Variants in HOGA1 observed in about 807,000 individuals in gnomAD.
HOGA1 encodes 4-hydroxy-2-oxoglutarate aldolase 1.
In HOGA1, 30 loss-of-function variants were observed where a neutral mutation model predicts 34.3. The ratio of observed to expected loss-of-function variants is 0.87; its 90% CI spans 0.65 to 1.19. The LOEUF is 1.19. Among genes scored for constraint, HOGA1 ranks in the 50% most tolerant of loss-of-function variants. HOGA1 has a pLI of 0.00. For synonymous variants in HOGA1, 161 were observed against 174.0 expected, an observed-to-expected ratio of 0.93 and a Z score of 0.59; for missense variants, 417 against 436.5, an observed-to-expected ratio of 0.96 and a Z score of 0.40.
chr10:97,590,410 C>T (rs767649994), intron 1 of HOGA1: 51 of 1,613,968 alleles, frequency 3.2e-5, no homozygotes, highest in East Asian at 6.7e-5. Context: ...TGAGGGCCCT[C>T]GAGGAGGTAG....
chr10:97,584,475 T>A lies in HOGA1; in HGVS notation c.-229T>A. 1 of 526,356 alleles carries A rather than the reference T, an allele frequency of 1.9e-6. No homozygotes were observed. The highest frequency in any genetic ancestry group is 3.3e-6 in the Non-Finnish European group (1 of 298,560). The allele number at this position is 526,356 out of a possible 1,614,324, so 32.6% of individuals were successfully genotyped here. A position where few individuals can be genotyped will look rare whatever the true frequency, so the allele number is the denominator to read the frequency against. ...TATATCTGGCCAGAGGGACACTGGG[T>A]TGTGGCATCTCTCTAGCTGCTACCC... On this transcript the variant is annotated 5_prime_UTR_variant, in exon 1 of 7. It adds an upstream start codon to the 5' untranslated region. Transcript: ENST00000370646.
intron 1 of HOGA1, among the ~76,000 whole-genome samples, chr10:97,592,777 C>T (rs1388563188): frequency 6.6e-6 from 1 of 151,390 alleles, no homozygotes; most frequent in Non-Finnish European, 1.5e-5. Flanking sequence ...GTCTGTAATC[C>T]CTGCACTTTG....
intron 6 of HOGA1, among the ~76,000 whole-genome samples, chr10:97,606,128 C>CAAAAAAAAAAAAA (rs60230634): frequency 4.2e-5 from 4 of 95,080 alleles, no homozygotes; most frequent in Admixed American, 1.4e-4. Context: ...ACTAAAAATA[C>CAAAAAAAAAAAAA]AAAAAAAAAA....
Position 97,590,518 on chromosome 10 carries a change from C to A in HOGA1, c.211+5604C>A, listed in dbSNP as rs767705076. ...TCTATGGCCACAGTCACCACAGTCA[C>A]CATGGCCACCCAAGCCACCAGAGCC... On this transcript the variant is annotated intron_variant, in intron 1 of 6. Coordinates refer to ENST00000370646, the MANE Select transcript of HOGA1 (RefSeq NM_138413.4). 1.9e-6 allele frequency: 3 copies of A among 1,612,600 alleles called. No homozygotes were observed. The highest frequency in any genetic ancestry group is 1.3e-5 in the African/African-American group (1 of 75,010).
At chr10:97,595,650 G>A (rs145915438) in intron 1 of HOGA1, among the ~76,000 whole-genome samples, 5,180 of 152,248 alleles carry the variant, frequency 0.034, 147 homozygotes, top group Middle Eastern at 0.092. Flanking sequence ...AGCCGAGGTC[G>A]CACCACTGCA....
intron 1 of HOGA1, among the ~76,000 whole-genome samples, chr10:97,592,094 G>T (rs1242003477): frequency 6.6e-6 from 1 of 151,880 alleles, no homozygotes; most frequent in Non-Finnish European, 1.5e-5. Flanking sequence ...TGCAGCCTCA[G>T]ACTCAAACTG....
In HOGA1 at chr10:97,599,810, G is replaced by A. The variant is rs376747234; in HGVS notation, c.599G>A (p.Gly200Asp). ...PNIVGMKDSGGDVTRIGLIVH... is the reference protein window; with the variant it reads ...PNIVGMKDSGDDVTRIGLIVH... ...ATTGTGGGCATGAAGGACAGCGGTG[G>A]TGATGTGAGTGGCAGCAGCTCCGGG... is the stretch of plus-strand genomic sequence containing the variant. Residue 200 changes from glycine to aspartate, a missense_variant, in exon 4 of 7, where the codon GGT becomes GAT. Transcript: ENST00000370646. The A allele has an allele frequency of 1.4e-5, 22 of 1,614,098 alleles. No homozygotes were observed. The highest frequency in any genetic ancestry group is 2.7e-5 in the African/African-American group (2 of 74,938).
intron 6 of HOGA1, among the ~76,000 whole-genome samples, chr10:97,610,496 T>C (rs1397319631): frequency 1.3e-5 from 2 of 151,150 alleles, no homozygotes; most frequent in Non-Finnish European, 2.9e-5. Context: ...TAAAAATAAA[T>C]AAATTATTAC....
Position 97,603,279 on chromosome 10 carries a change from A to C in HOGA1, c.834+1289A>C, listed in dbSNP as rs542221372. Among the ~76,000 whole-genome samples the C allele has an allele frequency of 1.5e-4, 22 of 150,714 alleles. No individual in the cohort carries two copies. Among genetic ancestry groups the C allele is most frequent in the Admixed American group, 9.3e-4 (14 of 15,128 alleles). On this transcript the variant is annotated intron_variant, in intron 6 of 6. Coordinates refer to ENST00000370646, the MANE Select transcript of HOGA1 (RefSeq NM_138413.4). This position sits in a 1 kb window ranked among gnomAD's most constrained non-coding sequence, Gnocchi z 4.5. Reference sequence around the variant, plus strand: ...TCGGCCTCCCAATCTTTTTTCTTTTATTTTTTTTATTTTCGAAACAGGGTC... The same window carrying C: ...TCGGCCTCCCAATCTTTTTTCTTTTCTTTTTTTTATTTTCGAAACAGGGTC...
intron 1 of HOGA1, chr10:97,590,171 G>A: frequency 6.2e-7 from 1 of 1,614,068 alleles, no homozygotes; most frequent in Non-Finnish European, 8.5e-7. Context: ...TCTGCACCGG[G>A]AATCCTTCAC....
At chr10:97,587,504 G>A (rs1360463514) in intron 1 of HOGA1, among the ~76,000 whole-genome samples, 3 of 152,042 alleles carry the variant, frequency 2.0e-5, no homozygotes, top group African/African-American at 7.2e-5. Flanking sequence ...AGCACTCCCT[G>A]AAACTGTGTA....
intron 1 of HOGA1, among the ~76,000 whole-genome samples, chr10:97,585,419 T>G (rs1280705821): frequency 6.6e-6 from 1 of 152,226 alleles, no homozygotes; most frequent in Non-Finnish European, 1.5e-5. Flanking sequence ...CATCTCTCTT[T>G]ACACATGGGT....
At chr10:97,610,463 G>A (rs1359715799) in intron 6 of HOGA1, among the ~76,000 whole-genome samples, 1 of 151,498 alleles carries the variant, frequency 6.6e-6, no homozygotes, top group Non-Finnish European at 1.5e-5. Flanking sequence ...GTGAGACCCT[G>A]TCTCAAAAAC....
intron 5 of HOGA1, 153 bp downstream of exon 5, chr10:97,600,316 C>A (rs1014419641): frequency 1.1e-5 from 8 of 704,836 alleles, no homozygotes; most frequent in Non-Finnish European, 2.1e-5. Flanking sequence ...CTGGCCACGC[C>A]GCTTACCTGT....
At chr10:97,595,093 C>T (rs1029406963) in intron 1 of HOGA1, among the ~76,000 whole-genome samples, 1 of 152,152 alleles carries the variant, frequency 6.6e-6, no homozygotes, top group Admixed American at 6.5e-5. Context: ...TTATGTGTCC[C>T]CAGCCCCAAA....
chr10:97,610,599 A>T (rs891352879), intron 6 of HOGA1, among the ~76,000 whole-genome samples: 4 of 152,262 alleles, frequency 2.6e-5, no homozygotes, highest in African/African-American at 9.6e-5. Flanking sequence ...AGCCTGGCCA[A>T]CATGGCGAAG....
rs2041199539 is a variant in HOGA1, at chr10:97,611,940, C to A, written c.*281C>A. On this transcript the variant is annotated 3_prime_UTR_variant, in exon 7 of 7. Coordinates refer to ENST00000370646, the MANE Select transcript of HOGA1 (RefSeq NM_138413.4). ...TCAATTTATCTTTCTACTGTGGATG[C>A]TTTCCTACGCCCTGAGGCACATGAA... is the stretch of plus-strand genomic sequence containing the variant. The A allele has an allele frequency of 2.1e-6, 1 of 472,836 alleles. No individual in the cohort carries two copies. Among genetic ancestry groups the A allele is most frequent in the East Asian group, 3.8e-5 (1 of 26,272 alleles). 29.3% of individuals were successfully genotyped at this position (472,836 alleles called of 1,614,324 possible).
chr10:97,601,616 G>A (rs1442767584), intron 5 of HOGA1, among the ~76,000 whole-genome samples: 1 of 152,196 alleles, frequency 6.6e-6, no homozygotes, highest in Non-Finnish European at 1.5e-5. Context: ...TCTGCTCCCT[G>A]CCCCTCACAG....
chr10:97,586,896 G>A (rs921822895), intron 1 of HOGA1, among the ~76,000 whole-genome samples: 3 of 152,200 alleles, frequency 2.0e-5, no homozygotes, highest in Admixed American at 6.5e-5. Flanking sequence ...AGCCAGCGGG[G>A]TGTGGTAGGA....
Sources: allele counts gnomAD v4.1 joint callset (sites outside exome capture counted in the v4.1 genomes callset), GRCh38; gene constraint gnomAD v4.1.1; non-coding constraint Gnocchi (gnomAD v3.1); transcripts MANE v1.5; gene names NCBI Gene and HGNC (gene_info 2026-07-23, HGNC 2026-07-21).